Variants in RIMS2 observed in about 807,000 individuals in gnomAD.
RIMS2 encodes regulating synaptic membrane exocytosis protein 2.
RIMS2 carries 59 observed loss-of-function variants against 174.4 expected under a neutral mutation model. The ratio of observed to expected loss-of-function variants is 0.34; its 90% CI spans 0.27 to 0.42. The LOEUF (loss-of-function observed/expected upper bound fraction) is 0.42. Among genes scored for constraint, RIMS2 ranks in the 10% least tolerant of loss-of-function variants. RIMS2 has a pLI of 1.00. For synonymous variants in RIMS2, 606 were observed against 572.5 expected (o/e 1.06, Z -0.84); for missense variants, 1,620 against 1,666.3 (o/e 0.97, Z 0.48).
At chr8:103,774,791 CCTT>C (rs1384964589) in intron 3 of RIMS2, among the ~76,000 whole-genome samples, 9 of 152,050 alleles carry the variant, frequency 5.9e-5, no homozygotes, top group Non-Finnish European at 1.0e-4. Context: ...GTGATGAAAA[CCTT>C]CTGTATCTTC....
At chr8:103,803,563 A>G (rs1236641913) in intron 3 of RIMS2, among the ~76,000 whole-genome samples, 2 of 152,220 alleles carry the variant, frequency 1.3e-5, no homozygotes, top group African/African-American at 4.8e-5. Flanking sequence ...CAGAATTCTA[A>G]GTTATGTACA....
chr8:104,224,014 C>G (rs1353818857), intron 19 of RIMS2, among the ~76,000 whole-genome samples: 1 of 152,224 alleles, frequency 6.6e-6, no homozygotes, highest in Non-Finnish European at 1.5e-5. Context: ...GGAAAAGGCT[C>G]TCCTAGTGGA....
At chr8:103,931,532 G>A (rs1012425588) in intron 12 of RIMS2, 139 bp downstream of exon 14, 16 of 496,886 alleles carry the variant, frequency 3.2e-5, no homozygotes, top group African/African-American at 3.0e-4. Context: ...GATGTTCTTA[G>A]GAAACAAAAT....
chr8:103,819,457 A>G (rs372767177), intron 3 of RIMS2: 17 of 1,603,846 alleles, frequency 1.1e-5, no homozygotes, highest in Non-Finnish European at 1.4e-5. Context: ...AGATGATTTT[A>G]AAGACAGGTG....
At chr8:104,175,651 C>T (rs1016140223) in intron 19 of RIMS2, among the ~76,000 whole-genome samples, 1 of 151,970 alleles carries the variant, frequency 6.6e-6, no homozygotes. Context: ...ATAATGAATC[C>T]CCAAACCACA....
intron 19 of RIMS2, among the ~76,000 whole-genome samples, chr8:104,109,075 A>G (rs1042823313): frequency 6.6e-6 from 1 of 152,070 alleles, no homozygotes; most frequent in Admixed American, 6.6e-5. Context: ...AGGCGGACAG[A>G]TCAATAGGTC....
intron 1 of RIMS2, among the ~76,000 whole-genome samples, chr8:103,505,745 G>A (rs541989622): frequency 9.9e-5 from 15 of 152,152 alleles, no homozygotes; most frequent in Admixed American, 5.2e-4. Context: ...CCACATCCTC[G>A]CCAACTCAGT....
intron 17 of RIMS2, among the ~76,000 whole-genome samples, chr8:104,009,374 G>T (rs1289020428): frequency 6.6e-6 from 1 of 151,628 alleles, no homozygotes; most frequent in Non-Finnish European, 1.5e-5. Context: ...GCTCACTGCA[G>T]CCTCGACCTC....
At chr8:103,557,311 A>G (rs2131825541) in intron 1 of RIMS2, among the ~76,000 whole-genome samples, 1 of 152,310 alleles carries the variant, frequency 6.6e-6, no homozygotes, top group South Asian at 2.1e-4. Context: ...TGTGTTTTCA[A>G]AAGCCCTTTC....
chr8:104,220,291 A>G (rs181133756), intron 19 of RIMS2, among the ~76,000 whole-genome samples: 1 of 68,422 alleles, frequency 1.5e-5, no homozygotes, highest in Non-Finnish European at 3.1e-5. Context: ...AAAAATATCA[A>G]AAAAGCTTCC....
chr8:103,608,865 G>A (rs6990854), intron 1 of RIMS2, among the ~76,000 whole-genome samples: 27,722 of 151,898 alleles, frequency 0.18, 2,749 homozygotes, highest in African/African-American at 0.26. Context: ...CACGGTGCAC[G>A]CACCCACTGA....
chr8:104,251,854 C>A (rs370269591), exon 24 of RIMS2: 39 of 837,642 alleles, frequency 4.7e-5, no homozygotes, highest in African/African-American at 1.1e-4. Flanking sequence ...CAGCAACCAG[C>A]GTTACAAAAA....
chr8:104,193,374 G>A (rs925145224), intron 19 of RIMS2, among the ~76,000 whole-genome samples: 3 of 152,110 alleles, frequency 2.0e-5, no homozygotes, highest in Non-Finnish European at 4.4e-5. Context: ...AATGCTGGAT[G>A]TCCAGATATG....
chr8:104,066,212 G>A (rs1241386925), intron 19 of RIMS2, among the ~76,000 whole-genome samples: 1 of 152,016 alleles, frequency 6.6e-6, no homozygotes, highest in African/African-American at 2.4e-5. Flanking sequence ...TTTGTTATTG[G>A]GCCCTTTACA....
rs568171440 is a variant in RIMS2, at chr8:103,768,008, A to G, written c.698+1471A>G. 1.6e-4 allele frequency among the ~76,000 whole-genome samples: 25 copies of G among 152,366 alleles called. No individual in the cohort carries two copies. The South Asian group carries it at 5.2e-3, about 32-fold the overall frequency. On this transcript the variant is annotated intron_variant, in intron 3 of 23. Coordinates refer to ENST00000504942, the Ensembl canonical transcript of RIMS2. Reference sequence around the variant, plus strand: ...CACTGGCTAGAGAAAGCACTCAGGCAGAGTGTAACAAACACTTACAGTCAG... The same window carrying G: ...CACTGGCTAGAGAAAGCACTCAGGCGGAGTGTAACAAACACTTACAGTCAG...
chr8:103,713,208 A>T (rs6982513), intron 2 of RIMS2, among the ~76,000 whole-genome samples: 1 of 151,966 alleles, frequency 6.6e-6, no homozygotes, highest in African/African-American at 2.4e-5. Flanking sequence ...TAGTACAGAC[A>T]AGGTTTTGCC....
chr8:103,594,198 C>T (rs1443009037), intron 1 of RIMS2, among the ~76,000 whole-genome samples: 1 of 151,566 alleles, frequency 6.6e-6, no homozygotes, highest in Non-Finnish European at 1.5e-5. Flanking sequence ...CTTTTTGTTT[C>T]AACTGTGATA....
At chr8:103,594,186 G>A (rs899973695) in intron 1 of RIMS2, among the ~76,000 whole-genome samples, 2 of 151,562 alleles carry the variant, frequency 1.3e-5, no homozygotes, top group Non-Finnish European at 3.0e-5. Flanking sequence ...AAGAGGCACT[G>A]CCTTTTTGTT....
chr8:104,049,126 T>TAA lies in RIMS2; in HGVS notation c.3334+34526_3334+34527dup, dbSNP rs397891918. On this transcript the variant is annotated intron_variant, in intron 19 of 23. Transcript: ENST00000504942. ...GACAAATTACTTCTAGATTTTTCTT[T>TAA]AAAAAAAAAAAAAAAAGGCCGGGCG... Among the ~76,000 whole-genome samples, 234 of 139,828 alleles carry TAA rather than the reference T, an allele frequency of 1.7e-3. 1 individual carries two copies. Among genetic ancestry groups the TAA allele is most frequent in the African/African-American group, 5.1e-3 (194 of 38,212 alleles). The allele number at this position is 139,828 out of a possible 152,430, so 91.7% of individuals were successfully genotyped here.
Sources: allele counts gnomAD v4.1 joint callset (sites outside exome capture counted in the v4.1 genomes callset), GRCh38; gene constraint gnomAD v4.1.1; transcripts MANE v1.5; gene names NCBI Gene and HGNC (gene_info 2026-07-23, HGNC 2026-07-21).